SLC25A41: variants seen among roughly 807,000 people sequenced by gnomAD.
SLC25A41 encodes the protein solute carrier family 25 member 41.
Under a neutral mutation model 34.7 loss-of-function variants are expected in SLC25A41, and 35 were observed. The ratio of observed to expected loss-of-function variants is 1.01; its 90% CI spans 0.77 to 1.34. The LOEUF is 1.34. Ranked by LOEUF, SLC25A41 falls within the 40% of genes most tolerant of loss-of-function variation. SLC25A41 has a pLI of 0.00. For synonymous variants in SLC25A41, 190 were observed against 209.9 expected (o/e 0.91, Z 0.82); for missense variants, 492 against 489.8 (o/e 1.00, Z -0.04).
chr19:6,429,166 TATATATATAA>T lies in SLC25A41; in HGVS notation c.624+548_624+557del, dbSNP rs1568349882. 7.7e-3 allele frequency among the ~76,000 whole-genome samples: 267 copies of T among 34,504 alleles called. 62 individuals are homozygous for T. Among genetic ancestry groups the T allele is most frequent in the African/African-American group, 0.04 (261 of 6,590 alleles). 22.6% of individuals were successfully genotyped at this position (34,504 alleles called of 152,430 possible). A position where few individuals can be genotyped will look rare whatever the true frequency, so the allele number is the denominator to read the frequency against. On this transcript the variant is annotated intron_variant, in intron 4 of 6. Transcript: ENST00000321510. ...TATAATATATATATTATATATATAA[TATATATATAA>T]TATATATATGTTATATATATAATAT...
upstream of SLC25A41, chr19:6,436,211 C>T (rs2860185): frequency 0.51 from 144,544 of 280,880 alleles, 38,985 homozygotes; most frequent in East Asian, 0.7. Context: ...ACTCAGGAGC[C>T]GCTGAGCCGG....
rs557811828 is a variant in SLC25A41, at chr19:6,427,632, G to A, written c.625-131C>T. On this transcript the variant is annotated intron_variant, in intron 4 of 6. Coordinates refer to ENST00000321510, the MANE Select transcript of SLC25A41 (RefSeq NM_173637.4). This position sits in a 1 kb window ranked among gnomAD's most constrained non-coding sequence, Gnocchi z 4.9. ...AGGCAAAGAGCTGGGTTTCAGACCC[G>A]GATCTGTCAGATTCCATGGAATGCT... 31 of 1,016,390 alleles carry A rather than the reference G, an allele frequency of 3.1e-5. No homozygotes were observed. The East Asian group carries it at 4.7e-4, about 15-fold the overall frequency. The allele number at this position is 1,016,390 out of a possible 1,614,324, so 63.0% of individuals were successfully genotyped here.
At position 6,432,150 on chromosome 19, in the gene SLC25A41, T is replaced by A; in HGVS notation, c.262A>T (p.Asn88Tyr). ...AGAAACTTCCACAAGGCCTCCTTGT[T>A]ATCCACTTCCAGGACTTCCACGGGG... ...MVPVEVLEVD[N>Y]KEALWKFLLS... The change falls in exon 2 of 7, where the codon AAC becomes TAC. Residue 88 changes from asparagine (N) to tyrosine (Y), a missense_variant. Asn to Tyr is a moderately radical substitution (Grantham distance 143). Transcript: ENST00000321510. 1 of 1,613,912 alleles carries A rather than the reference T, an allele frequency of 6.2e-7. No individual in the cohort carries two copies. The highest frequency in any genetic ancestry group is 8.5e-7 in the Non-Finnish European group (1 of 1,179,864).
chr19:6,429,144 A>ATATATT lies in SLC25A41; in HGVS notation c.624+579_624+580insAATATA, dbSNP rs1491568414. Among the ~76,000 whole-genome samples the ATATATT allele has an allele frequency of 2.0e-4, 6 of 30,698 alleles. 1 individual carries two copies. The highest frequency in any genetic ancestry group is 9.1e-4 in the African/African-American group (5 of 5,490). 20.1% of individuals were successfully genotyped at this position (30,698 alleles called of 152,430 possible). A position where few individuals can be genotyped will look rare whatever the true frequency, so the allele number is the denominator to read the frequency against. On this transcript the variant is annotated intron_variant, in intron 4 of 6. Transcript: ENST00000321510. Reference sequence around the variant, plus strand: ...TTATATATATGTTATATATATATATAATATATATATTATATATATAATATA... The same window carrying ATATATT: ...TTATATATATGTTATATATATATATATATATTATATATATATTATATATATAATATA...
In SLC25A41 at chr19:6,427,569, T is replaced by G; in HGVS notation, c.625-68A>C. 1 of 1,414,722 alleles carries G rather than the reference T, an allele frequency of 7.1e-7. No homozygotes were observed. Among genetic ancestry groups the G allele is most frequent in the Non-Finnish European group, 9.3e-7 (1 of 1,076,130 alleles). 87.6% of individuals were successfully genotyped at this position (1,414,722 alleles called of 1,614,324 possible). ...TGTCAATGACCCTCGGGGTAGCCAT[T>G]GTCCCCACCCTACAAACAAGGAAAA... On this transcript the variant is annotated intron_variant, in intron 4 of 6. Coordinates refer to ENST00000321510, the MANE Select transcript of SLC25A41 (RefSeq NM_173637.4). This position sits in a 1 kb window ranked among gnomAD's most constrained non-coding sequence, Gnocchi z 4.9.
rs978122627 is a variant in SLC25A41 at position 6,427,990 on chromosome 19, T to TG, written c.625-490dup. Among the ~76,000 whole-genome samples, 7 of 151,824 alleles carry TG rather than the reference T, an allele frequency of 4.6e-5. No individual in the cohort carries two copies. The highest frequency in any genetic ancestry group is 1.2e-4 in the African/African-American group (5 of 41,314). On this transcript the variant is annotated intron_variant, in intron 4 of 6. Transcript: ENST00000321510. This position sits in a 1 kb window ranked among gnomAD's most constrained non-coding sequence, Gnocchi z 4.9. Reference sequence around the variant, plus strand: ...ACTTTATGGCAAAAAGATCAAGCACTGGGGGGAAAGAAAGAGAGTGAATAG... The same window carrying TG: ...ACTTTATGGCAAAAAGATCAAGCACTGGGGGGGAAAGAAAGAGAGTGAATAG...
chr19:6,432,105 C>T lies in SLC25A41; in HGVS notation c.307G>A (p.Gly103Arg), dbSNP rs754026859. Residue 103 changes from glycine to arginine, a missense_variant, in exon 2 of 7, where the codon GGG (glycine) becomes AGG (arginine). Physicochemically the swap from Gly to Arg is moderately radical, Grantham distance 125. Coordinates refer to ENST00000321510, the MANE Select transcript of SLC25A41 (RefSeq NM_173637.4). Reference sequence around the variant, plus strand: ...GCCGTGCCCGTGCGAGACACCGCCCCGGCCATAGCTCCTGAGAGTAGAAAC... The same window carrying T: ...GCCGTGCCCGTGCGAGACACCGCCCTGGCCATAGCTCCTGAGAGTAGAAAC... ...WKFLLSGAMA[G>R]AVSRTGTAPL... 57 of 1,613,810 alleles carry T rather than the reference C, an allele frequency of 3.5e-5. No homozygotes were observed. The highest frequency in any genetic ancestry group is 3.3e-4 in the East Asian group (15 of 44,890).
At position 6,429,053 on chromosome 19, in the gene SLC25A41, ATATATG is replaced by A. The variant is rs2092259669; in HGVS notation, c.624+665_624+670del. On this transcript the variant is annotated intron_variant, in intron 4 of 6. Transcript: ENST00000321510. Reference sequence around the variant, plus strand: ...TATATATATATAATATATATATTATATATATGTTATATATATATATAATATATATAT... The same window carrying A: ...TATATATATATAATATATATATTATATTATATATATATATAATATATATAT... Among the ~76,000 whole-genome samples, 2 of 53,266 alleles carry A rather than the reference ATATATG, an allele frequency of 3.8e-5. 1 individual carries two copies. The highest frequency in any genetic ancestry group is 2.2e-4 in the African/African-American group (2 of 9,110). 34.9% of individuals were successfully genotyped at this position (53,266 alleles called of 152,430 possible).
chr19:6,433,864 C>T (rs1265822915), upstream of SLC25A41: 4 of 492,334 alleles, frequency 8.1e-6, no homozygotes, highest in African/African-American at 2.0e-5. Flanking sequence ...GCCCCCTTCC[C>T]CCAAGTATCC....
Position 6,426,242 on chromosome 19 carries a change from A to G in SLC25A41, c.*147T>C, listed in dbSNP as rs1019452832. The G allele has an allele frequency of 7.0e-5, 24 of 342,850 alleles. No individual in the cohort carries two copies. The highest frequency in any genetic ancestry group is 5.5e-4 in the African/African-American group (23 of 41,640). 21.2% of individuals were successfully genotyped at this position (342,850 alleles called of 1,614,324 possible). On this transcript the variant is annotated 3_prime_UTR_variant, in exon 7 of 7. Coordinates refer to ENST00000321510, the MANE Select transcript of SLC25A41 (RefSeq NM_173637.4). ...CCCAGCTTCAGGAATCTTCTGACCC[A>G]GAGCCCCACCCCCACCCCCAGCCTG...
Position 6,426,274 on chromosome 19 carries a change from C to G in SLC25A41, c.*115G>C. The G allele has an allele frequency of 5.7e-6, 3 of 522,178 alleles. No homozygotes were observed. Among genetic ancestry groups the G allele is most frequent in the Non-Finnish European group, 8.2e-6 (3 of 367,744 alleles). The allele number at this position is 522,178 out of a possible 1,614,324, so 32.3% of individuals were successfully genotyped here. On this transcript the variant is annotated 3_prime_UTR_variant, in exon 7 of 7. Transcript: ENST00000321510. ...CACCCCCACCCCCAGCCTGCTTTTG[C>G]CACCAAAAACTGCCCCAGGGCCTGA...
Position 6,432,092 on chromosome 19 carries a change from C to A in SLC25A41, c.320G>T (p.Arg107Leu). ...TCTGTCCAGAGGTGCCGTGCCCGTG[C>A]GAGACACCGCCCCGGCCATAGCTCC... ...LSGAMAGAVS[R>L]TGTAPLDRAK... Residue 107 changes from arginine (R) to leucine (L), a missense_variant, in exon 2 of 7, where the codon CGC (arginine) becomes CTC (leucine). Coordinates refer to ENST00000321510, the MANE Select transcript of SLC25A41 (RefSeq NM_173637.4). The A allele has an allele frequency of 1.2e-6, 2 of 1,613,844 alleles. No individual in the cohort carries two copies. Among genetic ancestry groups the A allele is most frequent in the South Asian group, 2.2e-5 (2 of 91,064 alleles).
rs1226356430 is a variant in SLC25A41 at position 6,429,049 on chromosome 19, T to A, written c.624+675A>T. Among the ~76,000 whole-genome samples the A allele has an allele frequency of 5.4e-4, 20 of 37,348 alleles. 4 individuals carry two copies. Among genetic ancestry groups the A allele is most frequent in the African/African-American group, 2.2e-3 (14 of 6,302 alleles). 24.5% of individuals were successfully genotyped at this position (37,348 alleles called of 152,430 possible). The stretch of plus-strand genomic sequence containing the variant: ...TATATATATATATATAATATATATA[T>A]TATATATATGTTATATATATATATA... On this transcript the variant is annotated intron_variant, in intron 4 of 6. Coordinates refer to ENST00000321510, the MANE Select transcript of SLC25A41 (RefSeq NM_173637.4).
chr19:6,429,741 G>C lies in SLC25A41; in HGVS notation c.607C>G (p.Leu203Val). The C allele has an allele frequency of 6.2e-7, 1 of 1,603,604 alleles. No homozygotes were observed. Among genetic ancestry groups the C allele is most frequent in the East Asian group, 2.2e-5 (1 of 44,720 alleles). Residue 203 changes from leucine (L) to valine (V), a missense_variant, in exon 4 of 7, where the codon CTC becomes GTC. Physicochemically the swap from Leu to Val is conservative, Grantham distance 32. Transcript: ENST00000321510. The part of the protein sequence containing the change: ...GSLAVAISQT[L>V]INPMEVLKTR... ...TCTCTTACCTCCATGGGGTTGATGA[G>C]GGTCTGGGAGATGGCCACAGCCAGG...
At chr19:6,436,055 CA>C (rs1014256042), upstream of SLC25A41, 1 of 160,152 alleles carries the variant, frequency 6.2e-6, no homozygotes, top group African/African-American at 2.4e-5. Context: ...AACAAACAAA[CA>C]AACAAAAAAC....
Position 6,426,352 on chromosome 19 carries a change from C to T in SLC25A41, c.*37G>A. On this transcript the variant is annotated 3_prime_UTR_variant, in exon 7 of 7. Transcript: ENST00000321510. ...GCCAGGGGTCATCAGGTCCTCCTGT[C>T]CCATTTCTGCCTAGGCTGTGTCGTC... is the stretch of plus-strand genomic sequence containing the variant. 6.3e-7 allele frequency: 1 copy of T among 1,585,738 alleles called. No individual in the cohort carries two copies.
Position 6,433,637 on chromosome 19 carries a change from A to G in SLC25A41, c.57T>C (p.Phe19=). ...TGATGAGTAAGGTCTTGACCCTCCT[A>G]AACAGTGTCTGGATCCTAGAGCAAG... is the stretch of plus-strand genomic sequence containing the variant. The part of the protein sequence containing the change: ...QNTCSRIQTL[F]RRVKTLLIKA... Residue 19 remains phenylalanine (F), a synonymous_variant, in exon 1 of 7, where the codon TTT becomes TTC. Coordinates refer to ENST00000321510, the MANE Select transcript of SLC25A41 (RefSeq NM_173637.4). 1.2e-6 allele frequency: 2 copies of G among 1,607,428 alleles called. No individual in the cohort carries two copies. The highest frequency in any genetic ancestry group is 1.7e-6 in the Non-Finnish European group (2 of 1,175,764).
intron 1 of SLC25A41, 107 bp downstream of exon 1, chr19:6,433,380 T>A: frequency 8.6e-7 from 1 of 1,159,338 alleles, no homozygotes; most frequent in Admixed American, 1.8e-5. Context: ...AAGGTGGAAT[T>A]CTAGGTCCGC....
rs191002996 is a variant in SLC25A41, at chr19:6,427,470, G to T, written c.656C>A (p.Thr219Lys). The change falls in exon 5 of 7, where the codon ACG (threonine) becomes AAG (lysine). Residue 219 changes from threonine to lysine, a missense_variant. Coordinates refer to ENST00000321510, the MANE Select transcript of SLC25A41 (RefSeq NM_173637.4). This position sits in a 1 kb window ranked among gnomAD's most constrained non-coding sequence, Gnocchi z 4.9. ...VLKTRLTLRR[T>K]GQYKGLLDCA... ...GTCCAGCAGCCCCTTGTACTGGCCC[G>T]TCCGACGCAAGGTCAACCGCGTCTT... is the stretch of plus-strand genomic sequence containing the variant. 7.0e-3 allele frequency: 10,953 copies of T among 1,572,058 alleles called. 60 individuals are homozygous for T. Among genetic ancestry groups the T allele is most frequent in the South Asian group, 0.015 (1,333 of 87,042 alleles).
Sources: allele counts gnomAD v4.1 joint callset (sites outside exome capture counted in the v4.1 genomes callset), GRCh38; gene constraint gnomAD v4.1.1; non-coding constraint Gnocchi (gnomAD v3.1); transcripts MANE v1.5; gene names NCBI Gene and HGNC (gene_info 2026-07-23, HGNC 2026-07-21).